Variants in SPICE1 observed in about 807,000 individuals in gnomAD.
SPICE1 encodes spindle and centriole associated protein 1.
SPICE1 carries 75 observed loss-of-function variants against 102.7 expected under a neutral mutation model. That is an observed-to-expected ratio of 0.73 (90% CI 0.61 to 0.88). SPICE1 has a LOEUF of 0.88. Ranked by LOEUF, SPICE1 falls within the 40% of genes least tolerant of loss-of-function variation. SPICE1 has a pLI of 0.00. For missense variants in SPICE1, 979 were observed against 1,020.1 expected (o/e 0.96, Z 0.55); for synonymous variants, 308 against 350.3 (o/e 0.88, Z 1.35).
chr3:113,499,375 GA>G, intron 4 of SPICE1, 63 bp downstream of exon 4: 1 of 1,525,628 alleles, frequency 6.6e-7, no homozygotes, highest in Non-Finnish European at 8.8e-7. Flanking sequence ...TCAAATTGAA[GA>G]AAAACAAAGA....
At chr3:113,506,196 T>C (rs1391356938) in intron 2 of SPICE1, among the ~76,000 whole-genome samples, 2 of 152,022 alleles carry the variant, frequency 1.3e-5, no homozygotes, top group African/African-American at 2.4e-5. Flanking sequence ...TGAGCTAGAG[T>C]TGCCTTTATG....
intron 7 of SPICE1, among the ~76,000 whole-genome samples, chr3:113,470,853 T>C (rs990954176): frequency 1.3e-5 from 2 of 152,246 alleles, no homozygotes; most frequent in Non-Finnish European, 2.9e-5. Context: ...CCTTTCTTCT[T>C]TGATTTTCCC....
In SPICE1 at chr3:113,468,415, G is replaced by GA. The variant is rs1559962981; in HGVS notation, c.890-12dup. On this transcript the variant is annotated splice_polypyrimidine_tract_variant and intron_variant, in intron 9 of 17. Coordinates refer to ENST00000295872, the MANE Select transcript of SPICE1 (RefSeq NM_144718.4). ...TCGGTTTCCTTTTCACTGATAATGA[G>GA]AGAAGTCATTCTATTTTAAGACCAG... 1 of 1,608,102 alleles carries GA rather than the reference G, an allele frequency of 6.2e-7. No individual in the cohort carries two copies. Among genetic ancestry groups the GA allele is most frequent in the Non-Finnish European group, 8.5e-7 (1 of 1,175,684 alleles).
chr3:113,472,748 G>C (rs1028906805), intron 7 of SPICE1, among the ~76,000 whole-genome samples: 1 of 152,116 alleles, frequency 6.6e-6, no homozygotes, highest in Admixed American at 6.5e-5. Flanking sequence ...AGGAAAACTA[G>C]CAAACAGAAA....
intron 6 of SPICE1, among the ~76,000 whole-genome samples, chr3:113,491,375 C>G (rs1207246719): frequency 6.6e-6 from 1 of 151,772 alleles, no homozygotes; most frequent in Non-Finnish European, 1.5e-5. Flanking sequence ...AATCCCAGCA[C>G]TTTGGGAGGC....
chr3:113,482,141 G>A (rs903316182), intron 7 of SPICE1, among the ~76,000 whole-genome samples: 1 of 152,146 alleles, frequency 6.6e-6, no homozygotes, highest in African/African-American at 2.4e-5. Flanking sequence ...TTGTGGTTTT[G>A]ATTTGCATTC....
intron 1 of SPICE1, among the ~76,000 whole-genome samples, chr3:113,509,128 G>C (rs1463620382): frequency 1.3e-5 from 2 of 152,088 alleles, no homozygotes; most frequent in African/African-American, 4.8e-5. Context: ...GTTTCTTTGG[G>C]GAGTGAAGAA....
intron 7 of SPICE1, among the ~76,000 whole-genome samples, chr3:113,475,023 T>G (rs1375653992): frequency 6.6e-6 from 1 of 151,784 alleles, no homozygotes; most frequent in Non-Finnish European, 1.5e-5. Context: ...TCAACAAAAT[T>G]GATAGACTGC....
At position 113,468,138 on chromosome 3, in the gene SPICE1, C is replaced by T; in HGVS notation, c.1155+1G>A. 1 of 1,614,084 alleles carries T rather than the reference C, an allele frequency of 6.2e-7. No individual in the cohort carries two copies. Among genetic ancestry groups the T allele is most frequent in the Non-Finnish European group, 8.5e-7 (1 of 1,179,972 alleles). On this transcript the variant is annotated splice_donor_variant, in intron 10 of 17. Transcript: ENST00000295872. LOFTEE classifies it high-confidence loss of function. ...AGACTCTACTAACCTAATGTCCTTA[C>T]CTCTTTAAGGTACCGAACCAGGCGA...
chr3:113,445,787 T>G (rs1318659576), intron 17 of SPICE1, among the ~76,000 whole-genome samples: 2 of 152,176 alleles, frequency 1.3e-5, no homozygotes, highest in African/African-American at 4.8e-5. Context: ...AATTCGGGTA[T>G]CTATCATTCC....
At chr3:113,460,880 A>T (rs1935917913) in intron 11 of SPICE1, 116 bp from the exon 12 acceptor site, 1 of 819,600 alleles carries the variant, frequency 1.2e-6, no homozygotes. Flanking sequence ...TACATATCAA[A>T]GGATATGTAT....
At chr3:113,471,734 T>C (rs1936203542) in intron 7 of SPICE1, among the ~76,000 whole-genome samples, 1 of 151,412 alleles carries the variant, frequency 6.6e-6, no homozygotes, top group African/African-American at 2.4e-5. Context: ...GGAGAGAAAA[T>C]AATGGAAAGA....
At chr3:113,510,291 C>T (rs1285614882) in intron 1 of SPICE1, among the ~76,000 whole-genome samples, 5 of 151,912 alleles carry the variant, frequency 3.3e-5, no homozygotes, top group African/African-American at 9.7e-5. Context: ...CATATGGAAC[C>T]AAAAAAGAGC....
In SPICE1 at chr3:113,448,129, T is replaced by C; in HGVS notation, c.2335A>G (p.Arg779Gly). 6.2e-7 allele frequency: 1 copy of C among 1,603,066 alleles called. No homozygotes were observed. The highest frequency in any genetic ancestry group is 8.5e-7 in the Non-Finnish European group (1 of 1,174,996). Residue 779 changes from arginine to glycine, a missense_variant, in exon 16 of 18, where the codon AGG becomes GGG. By Grantham distance (125) the Arg-to-Gly change is moderately radical (BLOSUM62 -2). Coordinates refer to ENST00000295872, the MANE Select transcript of SPICE1 (RefSeq NM_144718.4). ...PLRAWTEGAK[R>G]TIEVSIPGAE... ...CCTGGAATAGATACCTCAATTGTCC[T>C]CTTTGCTCCTTCTAAAATATAAAAA... is the stretch of plus-strand genomic sequence containing the variant.
chr3:113,506,337 G>A (rs183973899), intron 2 of SPICE1, among the ~76,000 whole-genome samples, 170 bp downstream of exon 2: 3 of 152,228 alleles, frequency 2.0e-5, no homozygotes, highest in Admixed American at 2.0e-4. Flanking sequence ...CTCCCCCAAA[G>A]GATTCTGCTT....
chr3:113,458,525 C>G (rs559564918), intron 12 of SPICE1, among the ~76,000 whole-genome samples: 10 of 152,336 alleles, frequency 6.6e-5, no homozygotes, highest in African/African-American at 2.4e-4. Context: ...TCAATGTTGC[C>G]CAGGCTGGAG....
In SPICE1 at chr3:113,457,217, G is replaced by A; in HGVS notation, c.1576C>T (p.Pro526Ser). The stretch of plus-strand genomic sequence containing the variant: ...ACAGCTGGCTCAAAAATATGTGCTG[G>A]AAAATTCTTGGCCAGATTCATGTTA... ...PDNMNLAKNF[P>S]AHIFEPAVLL... Residue 526 changes from proline to serine, a missense_variant, in exon 13 of 18, where the codon CCA becomes TCA. By Grantham distance (74) the Pro-to-Ser change is moderately conservative. Transcript: ENST00000295872. 6.2e-7 allele frequency: 1 copy of A among 1,614,166 alleles called. No individual in the cohort carries two copies. Among genetic ancestry groups the A allele is most frequent in the Non-Finnish European group, 8.5e-7 (1 of 1,180,034 alleles).
intron 7 of SPICE1, among the ~76,000 whole-genome samples, chr3:113,484,467 T>G (rs201615532): frequency 6.6e-6 from 1 of 152,186 alleles, no homozygotes; most frequent in East Asian, 1.9e-4. Context: ...TTAATTGTGA[T>G]GTTAGGTGTC....
At chr3:113,494,777 C>A (rs563851678) in intron 4 of SPICE1, among the ~76,000 whole-genome samples, 103 of 152,036 alleles carry the variant, frequency 6.8e-4, no homozygotes, top group African/African-American at 2.1e-3. Flanking sequence ...CCATGAGAAC[C>A]ACTGATATTT....
Sources: gnomAD v4.1 joint callset for allele counts (sites outside exome capture counted in the v4.1 genomes callset) on GRCh38, gnomAD v4.1.1 for gene constraint, MANE v1.5 for transcripts, NCBI Gene and HGNC (gene_info 2026-07-23, HGNC 2026-07-21) for gene names.